ADARB2: variants seen among roughly 807,000 people sequenced by gnomAD.
ADARB2 encodes inactive double-stranded RNA-specific editase B2.
In ADARB2, 25 loss-of-function variants were observed where a neutral mutation model predicts 62.2. The observed-to-expected ratio is 0.40, with a 90% CI of 0.29 to 0.56. ADARB2 has a LOEUF of 0.56. Among genes scored for constraint, ADARB2 ranks in the 20% least tolerant of loss-of-function variants. ADARB2 has a pLI of 0.43. For synonymous variants in ADARB2, 572 were observed against 500.8 expected, an observed-to-expected ratio of 1.14 and a Z score of -1.90; for missense variants, 1,071 against 1,077.4, an observed-to-expected ratio of 0.99 and a Z score of 0.08.
intron 1 of ADARB2, among the ~76,000 whole-genome samples, chr10:1,429,978 A>G (rs913055383): frequency 1.4e-4 from 21 of 152,222 alleles, no homozygotes; most frequent in African/African-American, 2.4e-4. Flanking sequence ...ATAACAGAAG[A>G]AGGCTTAGGG....
At chr10:1,288,482 C>G (rs1248364639) in intron 3 of ADARB2, among the ~76,000 whole-genome samples, 2 of 152,188 alleles carry the variant, frequency 1.3e-5, no homozygotes, top group African/African-American at 4.8e-5. Flanking sequence ...GATGAACAAG[C>G]CAAGGCTGAG....
intron 1 of ADARB2, among the ~76,000 whole-genome samples, chr10:1,467,165 G>A (rs1352572248): frequency 6.6e-6 from 1 of 152,154 alleles, no homozygotes; most frequent in Non-Finnish European, 1.5e-5. Context: ...TGCTTTCTAT[G>A]TGAGCATGGC....
chr10:1,202,656 A>G (rs1018140126), intron 7 of ADARB2, among the ~76,000 whole-genome samples: 2 of 152,354 alleles, frequency 1.3e-5, no homozygotes, highest in African/African-American at 4.8e-5. Context: ...GACCCCGTGC[A>G]GGGCCCAGGG....
chr10:1,294,157 T>C (rs1484376584), intron 3 of ADARB2, among the ~76,000 whole-genome samples: 1 of 151,988 alleles, frequency 6.6e-6, no homozygotes, highest in South Asian at 2.1e-4. Context: ...TGAGGAAGAA[T>C]TCAACTTTTC....
intron 1 of ADARB2, among the ~76,000 whole-genome samples, chr10:1,717,462 CT>C (rs1835033999): frequency 6.6e-6 from 1 of 151,936 alleles, no homozygotes; most frequent in Non-Finnish European, 1.5e-5. Flanking sequence ...CTCTTTCTTT[CT>C]TTTCTTTTCT....
chr10:1,489,590 T>C (rs571345842), intron 1 of ADARB2, among the ~76,000 whole-genome samples: 1 of 152,044 alleles, frequency 6.6e-6, no homozygotes, highest in South Asian at 2.1e-4. Flanking sequence ...AATCTCAGAG[T>C]TTTTTAAACC....
At chr10:1,187,695 C>A (rs931701540) in intron 8 of ADARB2, among the ~76,000 whole-genome samples, 1 of 152,228 alleles carries the variant, frequency 6.6e-6, no homozygotes, top group African/African-American at 2.4e-5. Flanking sequence ...CCAAACACCA[C>A]CGGGAAGGCA....
chr10:1,218,771 A>G (rs1415376675), intron 6 of ADARB2, among the ~76,000 whole-genome samples: 2 of 151,968 alleles, frequency 1.3e-5, no homozygotes, highest in Non-Finnish European at 2.9e-5. Flanking sequence ...TCAGCCGGGC[A>G]CGGTGGCTCA....
intron 3 of ADARB2, among the ~76,000 whole-genome samples, chr10:1,362,299 C>T (rs1189826935): frequency 2.0e-5 from 3 of 152,370 alleles, no homozygotes; most frequent in Non-Finnish European, 1.5e-5. Context: ...GCTCCCACCC[C>T]GTGGAGTGTG....
At chr10:1,229,737 T>TATGCGTGTTCATGTGCACTTGTGC (rs1830784292) in intron 6 of ADARB2, among the ~76,000 whole-genome samples, 1 of 111,604 alleles carries the variant, frequency 9.0e-6, no homozygotes, top group African/African-American at 3.3e-5. Context: ...CTTGTGCTTG[T>TATGCGTGTTCATGTGCACTTGTGC]TTGTATGTGC....
chr10:1,268,347 GATAAAA>G (rs1011424514), intron 4 of ADARB2, among the ~76,000 whole-genome samples: 42 of 152,046 alleles, frequency 2.8e-4, no homozygotes, highest in African/African-American at 8.2e-4. Context: ...GCATTAATTT[GATAAAA>G]ATAAAAACTT....
chr10:1,517,033 A>G (rs1261669498), intron 1 of ADARB2, among the ~76,000 whole-genome samples: 2 of 152,166 alleles, frequency 1.3e-5, no homozygotes, highest in African/African-American at 4.8e-5. Context: ...TGGGAGGAAC[A>G]TTTGATCCCA....
chr10:1,570,474 G>T (rs74914658), intron 1 of ADARB2, among the ~76,000 whole-genome samples: 3 of 152,126 alleles, frequency 2.0e-5, no homozygotes, highest in Non-Finnish European at 4.4e-5. Flanking sequence ...CCGCACGGCA[G>T]GAAAGGCCTC....
At chr10:1,673,864 C>A (rs748970520) in intron 1 of ADARB2, among the ~76,000 whole-genome samples, 1 of 152,198 alleles carries the variant, frequency 6.6e-6, no homozygotes, top group Admixed American at 6.5e-5. Flanking sequence ...GGATCCTAGG[C>A]CGGTTACCGA....
intron 1 of ADARB2, among the ~76,000 whole-genome samples, chr10:1,557,669 C>T (rs1326413280): frequency 6.6e-6 from 1 of 152,202 alleles, no homozygotes; most frequent in East Asian, 1.9e-4. Context: ...TTTGGGAGAC[C>T]CAGGCGGGTG....
intron 2 of ADARB2, among the ~76,000 whole-genome samples, chr10:1,366,857 G>A (rs1832318383): frequency 6.6e-6 from 1 of 152,190 alleles, no homozygotes. Flanking sequence ...TTGTCCGTGG[G>A]GACAGGCTCT....
chr10:1,229,803 C>T (rs577405290), intron 6 of ADARB2, among the ~76,000 whole-genome samples: 255 of 127,536 alleles, frequency 2.0e-3, no homozygotes, highest in Admixed American at 2.7e-3. Flanking sequence ...TATGTGTGTG[C>T]GTGTACATGT....
In ADARB2 at chr10:1,477,550, C is replaced by A. The variant is rs1203781070; in HGVS notation, c.101-98390G>T. Among the ~76,000 whole-genome samples, 1 of 152,122 alleles carries A rather than the reference C, an allele frequency of 6.6e-6. No individual in the cohort carries two copies. The highest frequency in any genetic ancestry group is 2.4e-5 in the African/African-American group (1 of 41,420). The stretch of plus-strand genomic sequence containing the variant: ...TTACCCACGACTGTCTTGGTAAATT[C>A]TTTTACCACCCGTGACACCAGCCCC... On this transcript the variant is annotated intron_variant, in intron 1 of 9. Coordinates refer to ENST00000381312, the MANE Select transcript of ADARB2 (RefSeq NM_018702.4). This position sits in a 1 kb window ranked among gnomAD's most constrained non-coding sequence, Gnocchi z 4.5.
At position 1,200,000 on chromosome 10, in the gene ADARB2, G is replaced by A. The variant is rs766957726; in HGVS notation, c.1830C>T (p.Pro610=). The A allele has an allele frequency of 5.7e-6, 9 of 1,575,550 alleles. No homozygotes were observed. The highest frequency in any genetic ancestry group is 1.3e-5 in the African/African-American group (1 of 74,596). The change falls in exon 8 of 10, where the codon CCC becomes CCT. Residue 610 remains proline (P), a synonymous_variant. Coordinates refer to ENST00000381312, the MANE Select transcript of ADARB2 (RefSeq NM_018702.4). ...GAGGCCGGTTGTGCCGGTAGGAGGC[G>A]GGCAGCTGGCCGACACCCTCCATGC... ...SHRMEGVGQL[P]ASYRHNRPLL...
Sources: gnomAD v4.1 joint callset for allele counts (sites outside exome capture counted in the v4.1 genomes callset) on GRCh38, gnomAD v4.1.1 for gene constraint, Gnocchi (gnomAD v3.1) non-coding constraint, MANE v1.5 for transcripts, NCBI Gene and HGNC (gene_info 2026-07-23, HGNC 2026-07-21) for gene names.